Variants in GRID2 observed in about 807,000 individuals in gnomAD.
The protein encoded by GRID2 is glutamate ionotropic receptor delta type subunit 2.
In GRID2, 33 loss-of-function variants were observed where a neutral mutation model predicts 114.8. The observed-to-expected ratio is 0.29, with a 90% CI of 0.22 to 0.38. The LOEUF (loss-of-function observed/expected upper bound fraction) is 0.38, where lower values mean the gene tolerates loss of function less well. Among genes scored for constraint, GRID2 ranks in the 10% least tolerant of loss-of-function variants. The probability of loss-of-function intolerance (pLI) is 1.00; values close to 1 mark genes in which losing one functional copy is unlikely to be tolerated. For synonymous variants in GRID2, 505 were observed against 449.9 expected (o/e 1.12, Z -1.55); for missense variants, 1,184 against 1,257.7 (o/e 0.94, Z 0.89).
At chr4:93,430,356 T>C (rs1375982976) in intron 10 of GRID2, among the ~76,000 whole-genome samples, 1 of 152,142 alleles carries the variant, frequency 6.6e-6, no homozygotes, top group African/African-American at 2.4e-5. Flanking sequence ...AATTTTTGTA[T>C]TTTTAGTAGA....
At chr4:93,746,939 G>A (rs1021694110) in intron 14 of GRID2, among the ~76,000 whole-genome samples, 25 of 151,910 alleles carry the variant, frequency 1.6e-4, no homozygotes, top group African/African-American at 6.0e-4. Flanking sequence ...TTTTACAGAA[G>A]GATTAGAGAA....
At chr4:92,320,465 A>G (rs1726251056) in intron 1 of GRID2, among the ~76,000 whole-genome samples, 5 of 151,956 alleles carry the variant, frequency 3.3e-5, no homozygotes, top group African/African-American at 4.8e-5. Flanking sequence ...TTCGAATAAT[A>G]TTACCTACTT....
intron 2 of GRID2, among the ~76,000 whole-genome samples, chr4:92,783,263 G>T (rs956309093): frequency 6.6e-5 from 10 of 151,978 alleles, no homozygotes; most frequent in Admixed American, 2.0e-4. Flanking sequence ...AATTAGGGTT[G>T]GCTTAGAAAG....
At chr4:93,094,039 A>G (rs1442738797) in intron 3 of GRID2, among the ~76,000 whole-genome samples, 2 of 151,844 alleles carry the variant, frequency 1.3e-5, no homozygotes, top group Non-Finnish European at 2.9e-5. Context: ...TTTAACTTTG[A>G]TAGTTGAAGG....
chr4:93,113,945 G>A (rs1467085189), intron 4 of GRID2, among the ~76,000 whole-genome samples: 1 of 152,128 alleles, frequency 6.6e-6, no homozygotes, highest in African/African-American at 2.4e-5. Flanking sequence ...ATGGGTAGAG[G>A]TGGGTGTGTT....
chr4:93,430,227 C>A (rs755961666), intron 10 of GRID2, among the ~76,000 whole-genome samples: 8 of 152,258 alleles, frequency 5.3e-5, no homozygotes, highest in Middle Eastern at 6.8e-3. Context: ...GTTGCCCAGG[C>A]TGGAGTTCAG....
intron 1 of GRID2, among the ~76,000 whole-genome samples, chr4:92,477,227 T>C (rs1301183519): frequency 2.0e-5 from 3 of 152,072 alleles, no homozygotes; most frequent in Non-Finnish European, 2.9e-5. Context: ...TGTAACTGTT[T>C]TGGTTTGCTA....
At chr4:93,051,711 C>A (rs755124021) in intron 2 of GRID2, among the ~76,000 whole-genome samples, 2 of 152,074 alleles carry the variant, frequency 1.3e-5, no homozygotes, top group South Asian at 2.1e-4. Context: ...GGAAGAAGAT[C>A]ACTAATTGAT....
At chr4:93,245,474 G>C (rs749568207) in intron 8 of GRID2, among the ~76,000 whole-genome samples, 26 of 152,132 alleles carry the variant, frequency 1.7e-4, no homozygotes, top group Non-Finnish European at 3.8e-4. Flanking sequence ...TAATTTGTTT[G>C]CAAGAATTTG....
At position 93,450,873 on chromosome 4, in the gene GRID2, AGT is replaced by A. The variant is rs1356962672; in HGVS notation, c.1546-4786_1546-4785del. ...ATCTTAGCTATTTGCAAATAATGTA[AGT>A]GTAAATATACTGATAAATCAAGAAC... On this transcript the variant is annotated intron_variant, in intron 10 of 15. Coordinates refer to ENST00000282020, the MANE Select transcript of GRID2 (RefSeq NM_001510.4). Among the ~76,000 whole-genome samples the A allele has an allele frequency of 4.6e-5, 7 of 151,954 alleles. No homozygotes were observed. In the South Asian group the frequency reaches 8.3e-4, roughly 18 times the overall value.
intron 4 of GRID2, among the ~76,000 whole-genome samples, chr4:93,164,152 C>CGG (rs369809991): frequency 1.3e-4 from 19 of 150,312 alleles, no homozygotes; most frequent in South Asian, 1.1e-3. Context: ...AAACCAAGCC[C>CGG]GGGGGGGGAA....
chr4:92,606,814 A>G (rs1729474000), intron 2 of GRID2, among the ~76,000 whole-genome samples: 1 of 151,970 alleles, frequency 6.6e-6, no homozygotes, highest in Non-Finnish European at 1.5e-5. Flanking sequence ...TATTTGTCTA[A>G]TCTAATCAGA....
At chr4:93,301,752 C>T (rs1560474827) in intron 8 of GRID2, among the ~76,000 whole-genome samples, 1 of 152,134 alleles carries the variant, frequency 6.6e-6, no homozygotes, top group Non-Finnish European at 1.5e-5. Flanking sequence ...TACAATGTCT[C>T]ACATTATCCA....
At chr4:93,573,270 A>T (rs1031921751) in intron 13 of GRID2, among the ~76,000 whole-genome samples, 3 of 152,122 alleles carry the variant, frequency 2.0e-5, no homozygotes, top group African/African-American at 7.2e-5. Context: ...CTTGAGTAAG[A>T]TTAGAATTTT....
intron 2 of GRID2, among the ~76,000 whole-genome samples, chr4:92,650,150 T>C (rs1731853427): frequency 6.6e-6 from 1 of 152,066 alleles, no homozygotes; most frequent in South Asian, 2.1e-4. Flanking sequence ...TATATGTATA[T>C]ATGCATACCA....
At position 92,804,242 on chromosome 4, in the gene GRID2, A is replaced by G. The variant is rs147978226; in HGVS notation, c.244+213956A>G. Among the ~76,000 whole-genome samples, 857 of 152,184 alleles carry G rather than the reference A, an allele frequency of 5.6e-3. 13 individuals carry two copies. Among genetic ancestry groups the G allele is most frequent in the African/African-American group, 0.02 (821 of 41,574 alleles). On this transcript the variant is annotated intron_variant, in intron 2 of 15. Transcript: ENST00000282020. ...AGTAGACAAATAATCTTACTATGTT[A>G]TTAAAGTAATTAAATCATATGGAAA...
At chr4:93,629,014 G>A (rs572383803) in intron 14 of GRID2, among the ~76,000 whole-genome samples, 8 of 152,114 alleles carry the variant, frequency 5.3e-5, no homozygotes, top group African/African-American at 7.2e-5. Context: ...TGATCCTCCC[G>A]CCTCAGCCTC....
intron 1 of GRID2, among the ~76,000 whole-genome samples, chr4:92,562,543 A>G (rs1434866688): frequency 6.6e-6 from 1 of 152,202 alleles, no homozygotes; most frequent in Non-Finnish European, 1.5e-5. Flanking sequence ...TAGTACTAAC[A>G]GTCAATTCTC....
At chr4:93,113,371 G>C (rs1341889412) in intron 4 of GRID2, among the ~76,000 whole-genome samples, 1 of 152,148 alleles carries the variant, frequency 6.6e-6, no homozygotes, top group African/African-American at 2.4e-5. Context: ...GCAGATCTGG[G>C]ATTAATTCCA....
Sources: gnomAD v4.1 joint callset for allele counts (sites outside exome capture counted in the v4.1 genomes callset) on GRCh38, gnomAD v4.1.1 for gene constraint, MANE v1.5 for transcripts, NCBI Gene and HGNC (gene_info 2026-07-23, HGNC 2026-07-21) for gene names.